FBN1: variants seen among roughly 807,000 people sequenced by gnomAD.
FBN1 encodes fibrillin-1.
In FBN1, 29 loss-of-function variants were observed where a neutral mutation model predicts 365.1. The ratio of observed to expected loss-of-function variants is 0.08; its 90% CI spans 0.06 to 0.11. The LOEUF is 0.11. FBN1 is among the 10% of genes least tolerant of loss of function. The pLI is 1.00. For synonymous variants in FBN1, 1,210 were observed against 1,270.5 expected (o/e 0.95, Z 1.01); for missense variants, 2,476 against 3,703.2 (o/e 0.67, Z 8.60).
At chr15:48,630,914 G>C (rs1171115520) in intron 2 of FBN1, among the ~76,000 whole-genome samples, 1 of 152,096 alleles carries the variant, frequency 6.6e-6, no homozygotes, top group African/African-American at 2.4e-5. Flanking sequence ...ACTATTATCT[G>C]TTCAAATCGT....
chr15:48,547,784 A>C (rs952142473), intron 6 of FBN1, among the ~76,000 whole-genome samples: 6 of 144,556 alleles, frequency 4.2e-5, no homozygotes, highest in South Asian at 2.3e-4. Flanking sequence ...CAGTCACAGA[A>C]GCATGCTAAC....
intron 24 of FBN1, 110 bp from the exon 25 acceptor site, chr15:48,490,188 C>T (rs896253161): frequency 2.1e-6 from 2 of 957,750 alleles, no homozygotes; most frequent in Non-Finnish European, 3.3e-6. Flanking sequence ...TTGCTGTATA[C>T]TTATTGACTG....
Position 48,495,493 on chromosome 15 carries a change from C to T in FBN1, c.2515G>A (p.Asp839Asn), listed in dbSNP as rs1319430305. 3.7e-6 allele frequency: 6 copies of T among 1,613,854 alleles called. No individual in the cohort carries two copies. The highest frequency in any genetic ancestry group is 4.2e-6 in the Non-Finnish European group (5 of 1,179,978). The change falls in exon 21 of 66, where the codon GAT (aspartate) becomes AAT (asparagine). Residue 839 changes from aspartate to asparagine, a missense_variant. Coordinates refer to ENST00000316623, the MANE Select transcript of FBN1 (RefSeq NM_000138.5). ...CCTATGCAGATGGTTTTTGTTGGATCCAAAGTACTTTCAGAAGAACATTCA... is the reference window on the plus strand; with the variant it reads ...CCTATGCAGATGGTTTTTGTTGGATTCAAAGTACTTTCAGAAGAACATTCA... ...ICECSSESTL[D>N]PTKTICIETI...
At chr15:48,454,539 T>C (rs2043225374) in intron 44 of FBN1, among the ~76,000 whole-genome samples, 1 of 152,174 alleles carries the variant, frequency 6.6e-6, no homozygotes, top group Non-Finnish European at 1.5e-5. Context: ...CCATGCTATA[T>C]CATGGGGCAA....
intron 37 of FBN1, 114 bp from the exon 38 acceptor site, chr15:48,468,216 C>CT: frequency 7.0e-7 from 1 of 1,424,614 alleles, no homozygotes; most frequent in Non-Finnish European, 9.8e-7. Context: ...TACTGAGAAA[C>CT]TAAAAAGTGC....
chr15:48,601,118 C>CTT (rs1393279907), intron 4 of FBN1, among the ~76,000 whole-genome samples: 3 of 152,196 alleles, frequency 2.0e-5, no homozygotes, highest in African/African-American at 7.2e-5. Flanking sequence ...TTTTCACCTA[C>CTT]AGAAGTGTTC....
chr15:48,636,224 G>C (rs1042213102), intron 2 of FBN1, among the ~76,000 whole-genome samples: 2 of 152,172 alleles, frequency 1.3e-5, no homozygotes, highest in Non-Finnish European at 2.9e-5. Context: ...GTGCTCTTGA[G>C]AGATCCTGAA....
chr15:48,645,343 C>T (rs928237075), intron 1 of FBN1, among the ~76,000 whole-genome samples: 4 of 152,218 alleles, frequency 2.6e-5, no homozygotes, highest in Non-Finnish European at 4.4e-5. Context: ...CCGCCGACTC[C>T]GGGCGATGCC....
In FBN1 at chr15:48,432,906, G is replaced by A. The variant is rs372386014; in HGVS notation, c.6699C>T (p.Pro2233=). 2.3e-5 allele frequency: 37 copies of A among 1,613,506 alleles called. No individual in the cohort carries two copies. The highest frequency in any genetic ancestry group is 8.0e-5 in the African/African-American group (6 of 74,840). ...NTYGSYECKC[P]VGYVLREDRR... ...GGTCTTCTCTGAGCACATATCCCAC[G>A]GGACATTTGCATTCATATGACCCAT... is the stretch of plus-strand genomic sequence containing the variant. The change falls in exon 55 of 66, where the codon CCC becomes CCT. Residue 2233 remains proline (P), a synonymous_variant. Transcript: ENST00000316623.
chr15:48,591,689 G>T (rs1054832457), intron 6 of FBN1, among the ~76,000 whole-genome samples: 2 of 151,880 alleles, frequency 1.3e-5, no homozygotes, highest in East Asian at 3.9e-4. Flanking sequence ...TCTTCTTACC[G>T]TTCCTCAGAA....
intron 44 of FBN1, among the ~76,000 whole-genome samples, chr15:48,453,027 C>T (rs1434978609): frequency 2.0e-5 from 3 of 152,068 alleles, no homozygotes; most frequent in African/African-American, 7.2e-5. Context: ...GAAGCTAAGG[C>T]GGGCGGATCA....
intron 2 of FBN1, among the ~76,000 whole-genome samples, chr15:48,628,016 A>T (rs753946640): frequency 6.6e-6 from 1 of 152,240 alleles, no homozygotes; most frequent in African/African-American, 2.4e-5. Context: ...CTGACGAAAA[A>T]GCAGTTCCAA....
intron 6 of FBN1, among the ~76,000 whole-genome samples, chr15:48,570,159 T>C (rs1238137717): frequency 6.6e-6 from 1 of 152,194 alleles, no homozygotes; most frequent in African/African-American, 2.4e-5. Context: ...ACTGGATAAG[T>C]AAGCTTTATA....
chr15:48,535,981 C>A (rs1209113697), intron 7 of FBN1, among the ~76,000 whole-genome samples: 1 of 152,148 alleles, frequency 6.6e-6, no homozygotes, highest in Non-Finnish European at 1.5e-5. Context: ...TCTCCACTGG[C>A]TGTATACTCC....
At chr15:48,566,301 T>C (rs1013888405) in intron 6 of FBN1, among the ~76,000 whole-genome samples, 3 of 152,202 alleles carry the variant, frequency 2.0e-5, no homozygotes, top group Admixed American at 1.3e-4. Flanking sequence ...TAAAGGACAA[T>C]GACATCATTT....
chr15:48,426,018 GT>G (rs1182572955), intron 58 of FBN1, among the ~76,000 whole-genome samples, 154 bp from the exon 59 acceptor site: 2 of 152,192 alleles, frequency 1.3e-5, no homozygotes, highest in Non-Finnish European at 2.9e-5. Flanking sequence ...AATTTAATAT[GT>G]AACAGTAGCT....
Position 48,625,636 on chromosome 15 carries a change from C to T in FBN1, c.165-12544G>A, listed in dbSNP as rs1889861607. On this transcript the variant is annotated intron_variant, in intron 2 of 65. Transcript: ENST00000316623. ...TGATTTATTTTAAAGGCCAGAAGAT[C>T]CCGCCCCATTAGCAACTATAACATA... Among the ~76,000 whole-genome samples, 4 of 152,176 alleles carry T rather than the reference C, an allele frequency of 2.6e-5. No individual in the cohort carries two copies. The South Asian group carries it at 8.3e-4, about 32-fold the overall frequency.
At chr15:48,616,056 G>C (rs1359951918) in intron 2 of FBN1, among the ~76,000 whole-genome samples, 3 of 152,036 alleles carry the variant, frequency 2.0e-5, no homozygotes, top group African/African-American at 7.2e-5. Context: ...CTAGACTTTC[G>C]AAGTATGAAC....
chr15:48,448,891 G>C lies in FBN1; in HGVS notation c.5548C>G (p.Arg1850Gly). ...RFTSTGQCND[R>G]NECQEIPNIC... Reference sequence around the variant, plus strand: ...TTGGGGATTTCTTGACATTCATTACGATCTGTAAATAAGAAGCATCTTAAG... The same window carrying C: ...TTGGGGATTTCTTGACATTCATTACCATCTGTAAATAAGAAGCATCTTAAG... The change falls in exon 46 of 66, where the codon CGT becomes GGT. Residue 1850 changes from arginine to glycine, a missense_variant and splice_region_variant. Arg to Gly is a moderately radical substitution (Grantham distance 125, BLOSUM62 -2). Around this residue, in one of 5 missense-constraint regions of FBN1, gnomAD observed 1,780 missense variants for 2,840.8 expected, o/e 0.63. Coordinates refer to ENST00000316623, the MANE Select transcript of FBN1 (RefSeq NM_000138.5). 1 of 1,610,474 alleles carries C rather than the reference G, an allele frequency of 6.2e-7. No individual in the cohort carries two copies. The highest frequency in any genetic ancestry group is 8.5e-7 in the Non-Finnish European group (1 of 1,177,270).
Sources: gnomAD v4.1 joint callset for allele counts (sites outside exome capture counted in the v4.1 genomes callset) on GRCh38, gnomAD v4.1.1 for gene constraint, gnomAD v4.1.1 regional missense constraint, MANE v1.5 for transcripts, NCBI Gene and HGNC (gene_info 2026-07-23, HGNC 2026-07-21) for gene names.